Variants in ARHGAP39 observed in about 807,000 individuals in gnomAD.
The protein encoded by ARHGAP39 is rho GTPase-activating protein 39.
In ARHGAP39, 44 loss-of-function variants were observed where a neutral mutation model predicts 106.9. The ratio of observed to expected loss-of-function variants is 0.41; its 90% CI spans 0.32 to 0.53. The LOEUF (loss-of-function observed/expected upper bound fraction) is 0.53, where lower values mean the gene tolerates loss of function less well. Among genes scored for constraint, ARHGAP39 ranks in the 20% least tolerant of loss-of-function variants. The pLI, the probability that ARHGAP39 is intolerant of heterozygous loss-of-function variation, is 0.21. For missense variants in ARHGAP39, 1,496 were observed against 1,577.3 expected, an observed-to-expected ratio of 0.95 and a Z score of 0.87; for synonymous variants, 768 against 693.2, an observed-to-expected ratio of 1.11 and a Z score of -1.69.
chr8:144,529,317 G>A lies in ARHGAP39; in HGVS notation c.*1105C>T, dbSNP rs879273799. On this transcript the variant is annotated 3_prime_UTR_variant, in exon 12 of 12. Coordinates refer to ENST00000377307, the MANE Select transcript of ARHGAP39 (RefSeq NM_025251.3). ...CGCCGCCCAGGCCTCGGCAGGGCTG[G>A]GGCTTTTGTTTTTAATAAATAAAAA... 11 of 177,460 alleles carry A rather than the reference G, an allele frequency of 6.2e-5. No individual in the cohort carries two copies. Among genetic ancestry groups the A allele is most frequent in the Non-Finnish European group, 7.0e-5 (6 of 85,232 alleles). The allele number at this position is 177,460 out of a possible 1,614,324, so 11.0% of individuals were successfully genotyped here.
rs577317528 is a variant in ARHGAP39 at position 144,643,926 on chromosome 8, G to A, written c.-81-38231C>T. Among the ~76,000 whole-genome samples the A allele has an allele frequency of 2.6e-5, 4 of 152,188 alleles. No homozygotes were observed. In the South Asian group the frequency reaches 8.3e-4, roughly 32 times the overall value. Reference sequence around the variant, plus strand: ...AAAAGAAAGGCAATGTTTTAAAAGGGAGAAAAAAAATAAGTCACACAAAAG... The same window carrying A: ...AAAAGAAAGGCAATGTTTTAAAAGGAAGAAAAAAAATAAGTCACACAAAAG... On this transcript the variant is annotated intron_variant, in intron 1 of 11. Transcript: ENST00000377307.
At chr8:144,584,552 C>G (rs1325314988) in intron 2 of ARHGAP39, among the ~76,000 whole-genome samples, 1 of 152,136 alleles carries the variant, frequency 6.6e-6, no homozygotes, top group Non-Finnish European at 1.5e-5. Flanking sequence ...CACCTGAGGT[C>G]AGGAGTTTGA....
chr8:144,565,808 A>G (rs1219846956), intron 3 of ARHGAP39, among the ~76,000 whole-genome samples: 3 of 152,042 alleles, frequency 2.0e-5, no homozygotes, highest in Non-Finnish European at 4.4e-5. Context: ...AACACAGTCT[A>G]AAGAAAAGGC....
intron 7 of ARHGAP39, among the ~76,000 whole-genome samples, chr8:144,537,146 G>C (rs1816988618): frequency 6.6e-6 from 1 of 151,770 alleles, no homozygotes; most frequent in Admixed American, 6.6e-5. Flanking sequence ...GGGCCTGGGG[G>C]AAGGTAGAGA....
intron 6 of ARHGAP39, among the ~76,000 whole-genome samples, chr8:144,540,601 G>C (rs939154945): frequency 1.3e-5 from 2 of 152,130 alleles, no homozygotes; most frequent in African/African-American, 4.8e-5. Flanking sequence ...AGGAGTTCGA[G>C]ATCAGCCTGG....
Position 144,641,893 on chromosome 8 carries a change from C to T in ARHGAP39, c.-81-36198G>A, listed in dbSNP as rs1334082016. Among the ~76,000 whole-genome samples, 1 of 152,248 alleles carries T rather than the reference C, an allele frequency of 6.6e-6. No individual in the cohort carries two copies. The highest frequency in any genetic ancestry group is 1.5e-5 in the Non-Finnish European group (1 of 68,048). ...CTCCGGGTGGGCCACTGCAGCCACC[C>T]ACTACCTCATCCTTGGCCCCTCGGC... On this transcript the variant is annotated intron_variant, in intron 1 of 11. Coordinates refer to ENST00000377307, the MANE Select transcript of ARHGAP39 (RefSeq NM_025251.3). This position sits in a 1 kb window ranked among gnomAD's most constrained non-coding sequence, Gnocchi z 5.2.
In ARHGAP39 at chr8:144,604,806, T is replaced by C. The variant is rs990124560; in HGVS notation, c.80+729A>G. ...AGCGTCCTGGGCTACCTGGAAGACG[T>C]CCTGAGGGAGCTCACGCTCTCACAC... On this transcript the variant is annotated intron_variant, in intron 2 of 11. Coordinates refer to ENST00000377307, the MANE Select transcript of ARHGAP39 (RefSeq NM_025251.3). The surrounding 1 kb of genome is among the most constrained non-coding windows in gnomAD (Gnocchi z 4.1). 6.6e-6 allele frequency among the ~76,000 whole-genome samples: 1 copy of C among 152,122 alleles called. No individual in the cohort carries two copies. Among genetic ancestry groups the C allele is most frequent in the African/African-American group, 2.4e-5 (1 of 41,424 alleles).
chr8:144,668,700 G>A (rs1822022990), intron 1 of ARHGAP39, among the ~76,000 whole-genome samples: 2 of 152,090 alleles, frequency 1.3e-5, no homozygotes, highest in Admixed American at 1.3e-4. Context: ...TTCATGAAAT[G>A]AAAGACAACA....
chr8:144,556,597 G>A (rs563793412), intron 3 of ARHGAP39, among the ~76,000 whole-genome samples: 23 of 151,354 alleles, frequency 1.5e-4, no homozygotes, highest in Admixed American at 4.6e-4. Context: ...ATAGTATTCA[G>A]AGGCAAAGGC....
intron 3 of ARHGAP39, among the ~76,000 whole-genome samples, chr8:144,575,609 T>C (rs939388919): frequency 6.6e-6 from 1 of 152,074 alleles, no homozygotes; most frequent in Non-Finnish European, 1.5e-5. Flanking sequence ...CATCACCTCC[T>C]GAGACAACAG....
chr8:144,650,943 A>C (rs1377006145), intron 1 of ARHGAP39, among the ~76,000 whole-genome samples: 2 of 152,190 alleles, frequency 1.3e-5, no homozygotes, highest in Non-Finnish European at 2.9e-5. Flanking sequence ...AAATAGGGAG[A>C]GAGGAGGTCA....
upstream of ARHGAP39, among the ~76,000 whole-genome samples, chr8:144,687,129 CCACG>C (rs1822621772): frequency 5.6e-5 from 1 of 17,868 alleles, no homozygotes; most frequent in Non-Finnish European, 9.9e-5. Flanking sequence ...ACCCCCGTGA[CCACG>C]CACTGGCGGC....
At chr8:144,582,331 A>C (rs1223915879) in intron 2 of ARHGAP39, among the ~76,000 whole-genome samples, 1 of 152,210 alleles carries the variant, frequency 6.6e-6, no homozygotes, top group Non-Finnish European at 1.5e-5. Flanking sequence ...GGCGGCTCTG[A>C]AAACAGGCTG....
rs75329145 is a variant in ARHGAP39 at position 144,577,964 on chromosome 8, A to G, written c.512+2882T>C. On this transcript the variant is annotated intron_variant, in intron 3 of 11. Transcript: ENST00000377307. ...GCTTACAGATCCAACACAATCCCCC[A>G]CACAGATCCAAAATTCCAAAAGCTT... 3.0e-3 allele frequency among the ~76,000 whole-genome samples: 460 copies of G among 152,344 alleles called. 10 individuals carry two copies. Among genetic ancestry groups the G allele is most frequent in the East Asian group, 0.019 (99 of 5,194 alleles).
In ARHGAP39 at chr8:144,533,441, CCA is replaced by C. The variant is rs577488612; in HGVS notation, c.2689-118_2689-117del. 1.8e-4 allele frequency: 190 copies of C among 1,036,896 alleles called. No individual in the cohort carries two copies. In the African/African-American group the frequency reaches 2.6e-3, roughly 14 times the overall value. The allele number at this position is 1,036,896 out of a possible 1,614,324, so 64.2% of individuals were successfully genotyped here. On this transcript the variant is annotated intron_variant, in intron 8 of 11. Transcript: ENST00000377307. ...GGTGGCGCTCTTCAGAATTCCTGCC[CCA>C]CACACCTGGGTCCGAGTGTGGTGTT...
At chr8:144,594,919 G>A (rs865815911) in intron 2 of ARHGAP39, among the ~76,000 whole-genome samples, 8 of 152,220 alleles carry the variant, frequency 5.3e-5, no homozygotes, top group South Asian at 2.1e-4. Context: ...TGTGGTGGCT[G>A]TAATCTCGGC....
chr8:144,555,308 G>A (rs1391861226), intron 4 of ARHGAP39, among the ~76,000 whole-genome samples: 1 of 152,250 alleles, frequency 6.6e-6, no homozygotes, highest in African/African-American at 2.4e-5. Context: ...AGGGGCTGAG[G>A]GAAGCACCGC....
chr8:144,676,042 G>GT (rs1328048713), intron 1 of ARHGAP39, among the ~76,000 whole-genome samples: 1 of 152,220 alleles, frequency 6.6e-6, no homozygotes, highest in Non-Finnish European at 1.5e-5. Context: ...TTCTCGGTGA[G>GT]TGTCACAGCT....
intron 4 of ARHGAP39, among the ~76,000 whole-genome samples, chr8:144,553,666 CAG>C (rs1040036710): frequency 5.3e-5 from 8 of 152,256 alleles, no homozygotes; most frequent in African/African-American, 1.9e-4. Flanking sequence ...ATGACAGTGA[CAG>C]GGGAGGGGCA....
Sources: allele counts gnomAD v4.1 joint callset (sites outside exome capture counted in the v4.1 genomes callset), GRCh38; gene constraint gnomAD v4.1.1; non-coding constraint Gnocchi (gnomAD v3.1); transcripts MANE v1.5; gene names NCBI Gene and HGNC (gene_info 2026-07-23, HGNC 2026-07-21).